GAK: variants seen among roughly 807,000 people sequenced by gnomAD.
The protein encoded by GAK is cyclin G associated kinase, also known as cyclin-G-associated kinase.
Under a neutral mutation model 143.9 loss-of-function variants are expected in GAK, and 79 were observed. That is an observed-to-expected ratio of 0.55 (90% CI 0.46 to 0.66). GAK has a LOEUF of 0.66. GAK is among the 30% of genes least tolerant of loss of function. The pLI is 0.00. For missense variants in GAK, 1,693 were observed against 1,779.7 expected, an observed-to-expected ratio of 0.95 and a Z score of 0.88; for synonymous variants, 881 against 765.5, an observed-to-expected ratio of 1.15 and a Z score of -2.49.
At chr4:914,204 G>A (rs1374459860) in intron 1 of GAK, among the ~76,000 whole-genome samples, 1 of 49,960 alleles carries the variant, frequency 2.0e-5, no homozygotes, top group African/African-American at 9.2e-5. Flanking sequence ...CAGCCCCAGC[G>A]TGCACAGCCC....
intron 9 of GAK, among the ~76,000 whole-genome samples, chr4:892,213 G>A (rs1314039921): frequency 6.6e-6 from 1 of 152,212 alleles, no homozygotes. Context: ...CCACTGCAGT[G>A]GCCCCTGGAA....
chr4:893,759 G>A, intron 8 of GAK, 115 bp downstream of exon 8: 1 of 1,257,120 alleles, frequency 8.0e-7, no homozygotes, highest in Non-Finnish European at 1.1e-6. Flanking sequence ...AAACTATGGT[G>A]ACGGGCGGGA....
At chr4:892,659 G>A (rs1459744113) in intron 9 of GAK, among the ~76,000 whole-genome samples, 3 of 152,170 alleles carry the variant, frequency 2.0e-5, no homozygotes, top group South Asian at 2.1e-4. Context: ...TGACACAACT[G>A]CAACCAGGAC....
At chr4:882,858 G>A in intron 13 of GAK, 39 bp from the exon 14 acceptor site, 1 of 1,596,434 alleles carries the variant, frequency 6.3e-7, no homozygotes. Context: ...CGGCAGAGGA[G>A]CCCCGCCCCA....
intron 23 of GAK, among the ~76,000 whole-genome samples, chr4:860,158 G>C (rs997281158): frequency 1.3e-5 from 2 of 152,090 alleles, no homozygotes; most frequent in Admixed American, 6.5e-5. Flanking sequence ...AGGCACGGTG[G>C]TTCATGCATG....
In GAK at chr4:904,345, G is replaced by A. The variant is rs554775290; in HGVS notation, c.525+292C>T. ...TGTGGATGATGGGCGGCTCCTAACC[G>A]AGCGGGACCCGCACACAGAGGCCTT... is the stretch of plus-strand genomic sequence containing the variant. On this transcript the variant is annotated intron_variant, in intron 5 of 27. Coordinates refer to ENST00000314167, the MANE Select transcript of GAK (RefSeq NM_005255.4). Among the ~76,000 whole-genome samples the A allele has an allele frequency of 3.3e-5, 4 of 119,822 alleles. 1 individual carries two copies. The highest frequency in any genetic ancestry group is 6.9e-5 in the Non-Finnish European group (4 of 57,750). The allele number at this position is 119,822 out of a possible 152,430, so 78.6% of individuals were successfully genotyped here. A position where few individuals can be genotyped will look rare whatever the true frequency, so the allele number is the denominator to read the frequency against.
intron 11 of GAK, chr4:888,550 A>AACCC: frequency 2.6e-6 from 1 of 378,492 alleles, no homozygotes; most frequent in South Asian, 3.5e-5. Flanking sequence ...TCCCGGGAAC[A>AACCC]AGCCAGGAAC....
At chr4:883,233 G>A in intron 13 of GAK, 82 bp downstream of exon 13, 5 of 1,527,044 alleles carry the variant, frequency 3.3e-6, no homozygotes, top group Non-Finnish European at 3.5e-6. Flanking sequence ...CCCCACCCTG[G>A]CCAAAGCCCT....
chr4:858,444 C>CG (rs1749673639), intron 24 of GAK, among the ~76,000 whole-genome samples: 1 of 152,104 alleles, frequency 6.6e-6, no homozygotes, highest in African/African-American at 2.4e-5. Context: ...GCCCCAGTGC[C>CG]GGCTGCCCAG....
chr4:893,510 G>A lies in GAK; in HGVS notation c.878-21C>T, dbSNP rs775171429. 39 of 1,517,616 alleles carry A rather than the reference G, an allele frequency of 2.6e-5. No individual in the cohort carries two copies. In the Middle Eastern group the frequency reaches 5.2e-4, roughly 20 times the overall value. 94.0% of individuals were successfully genotyped at this position (1,517,616 alleles called of 1,614,324 possible). The stretch of plus-strand genomic sequence containing the variant: ...GGCGCCTGCAGCAGAAGCACAGCGC[G>A]CTCGGCCCCACGGTTCCCCAGGCGG... On this transcript the variant is annotated intron_variant, in intron 8 of 27. Coordinates refer to ENST00000314167, the MANE Select transcript of GAK (RefSeq NM_005255.4).
chr4:909,129 G>A (rs941349599), intron 4 of GAK, among the ~76,000 whole-genome samples: 3 of 152,246 alleles, frequency 2.0e-5, no homozygotes, highest in Non-Finnish European at 4.4e-5. Flanking sequence ...TTACAGGCGT[G>A]AGCCACCGTG....
chr4:861,788 T>C (rs1750324867), intron 23 of GAK, among the ~76,000 whole-genome samples: 1 of 152,120 alleles, frequency 6.6e-6, no homozygotes, highest in Admixed American at 6.6e-5. Context: ...CCAGCCCCAC[T>C]GCCCATACAG....
intron 14 of GAK, 88 bp from the exon 15 acceptor site, chr4:882,128 G>A: frequency 1.4e-6 from 2 of 1,408,614 alleles, no homozygotes; most frequent in Non-Finnish European, 1.9e-6. Flanking sequence ...CCCACCCTGT[G>A]GCTGCAGGGA....
chr4:875,589 T>C (rs1713675386), intron 18 of GAK, among the ~76,000 whole-genome samples: 1 of 152,240 alleles, frequency 6.6e-6, no homozygotes, highest in Non-Finnish European at 1.5e-5. Context: ...CCACAGCCTC[T>C]GTCTTGGGAG....
intron 18 of GAK, among the ~76,000 whole-genome samples, chr4:872,085 C>T (rs75253749): frequency 3.3e-5 from 5 of 152,344 alleles, no homozygotes; most frequent in East Asian, 1.9e-4. Context: ...GGCAGGGAGA[C>T]GGGCCCGGCG....
intron 27 of GAK, 56 bp from the exon 28 acceptor site, chr4:849,830 C>CGGGGG: frequency 8.5e-7 from 1 of 1,172,350 alleles, no homozygotes; most frequent in Non-Finnish European, 1.2e-6. Context: ...GCGGGCGGGG[C>CGGGGG]AGGACCCCCC....
At chr4:880,663 G>A (rs913870975) in intron 15 of GAK, among the ~76,000 whole-genome samples, 2 of 151,954 alleles carry the variant, frequency 1.3e-5, no homozygotes, top group Admixed American at 6.6e-5. Flanking sequence ...GTCCAGTTAC[G>A]TCCACCCCAG....
chr4:851,988 G>A lies in GAK; in HGVS notation c.3284-14C>T. ...CAGCTGGTGAGCCTGTGGAGATGGA[G>A]ATCGGAAACTCGGCATCTGGTTGTC... is the stretch of plus-strand genomic sequence containing the variant. On this transcript the variant is annotated splice_polypyrimidine_tract_variant and intron_variant, in intron 24 of 27. Transcript: ENST00000314167. The A allele has an allele frequency of 1.2e-6, 2 of 1,606,514 alleles. No homozygotes were observed. Among genetic ancestry groups the A allele is most frequent in the African/African-American group, 1.3e-5 (1 of 74,928 alleles).
intron 26 of GAK, 145 bp from the exon 27 acceptor site, chr4:850,213 G>A (rs1421164467): frequency 1.5e-5 from 11 of 736,944 alleles, no homozygotes; most frequent in East Asian, 5.5e-5. Context: ...CCCACTGCAC[G>A]CCCTGCCCTC....
Sources: allele counts gnomAD v4.1 joint callset (sites outside exome capture counted in the v4.1 genomes callset), GRCh38; gene constraint gnomAD v4.1.1; transcripts MANE v1.5; gene names NCBI Gene and HGNC (gene_info 2026-07-23, HGNC 2026-07-21).